The following MLLT10 variants were observed in gnomAD, a reference collection of about 807,000 sequenced individuals.
MLLT10 encodes the protein protein AF-10.
In MLLT10, 30 loss-of-function variants were observed where a neutral mutation model predicts 129.1. That is an observed-to-expected ratio of 0.23 (90% CI 0.17 to 0.32). The LOEUF is 0.32. Ranked by LOEUF, MLLT10 falls within the 10% of genes least tolerant of loss-of-function variation. The pLI is 1.00. For synonymous variants in MLLT10, 490 were observed against 446.4 expected, an observed-to-expected ratio of 1.10 and a Z score of -1.23; for missense variants, 1,119 against 1,268.3, an observed-to-expected ratio of 0.88 and a Z score of 1.79.
In MLLT10 at chr10:21,605,494, G is replaced by A. The variant is rs543399174; in HGVS notation, c.406-6854G>A. ...AGGGTCTTGCTCTGTCACCCTGTTT[G>A]GATTGCAGTGGCACTGTCACGGTCA... On this transcript the variant is annotated intron_variant, in intron 5 of 22. Transcript: ENST00000307729. 1.0e-3 allele frequency among the ~76,000 whole-genome samples: 159 copies of A among 151,982 alleles called. No homozygotes were observed. In the Middle Eastern group the frequency reaches 0.017, roughly 16 times the overall value.
At position 21,670,529 on chromosome 10, in the gene MLLT10, A is replaced by G. The variant is rs2051287926; in HGVS notation, c.876A>G (p.Ala292=). 6.2e-7 allele frequency: 1 copy of G among 1,614,184 alleles called. No homozygotes were observed. The highest frequency in any genetic ancestry group is 1.7e-5 in the Admixed American group (1 of 60,016). Residue 292 remains alanine (A), a synonymous_variant, in exon 10 of 23, where the codon GCA becomes GCG. Coordinates refer to ENST00000307729, the MANE Select transcript of MLLT10 (RefSeq NM_001195626.3). Reference sequence around the variant, plus strand: ...ATACTACTGCACGATTTACAAATGCAAATTTCCAGGAAGTCTCTGCACACA... The same window carrying G: ...ATACTACTGCACGATTTACAAATGCGAATTTCCAGGAAGTCTCTGCACACA... ...LEDTTARFTN[A]NFQEVSAHTS...
At chr10:21,559,142 G>A (rs912764896) in intron 3 of MLLT10, among the ~76,000 whole-genome samples, 1 of 152,168 alleles carries the variant, frequency 6.6e-6, no homozygotes, top group African/African-American at 2.4e-5. Flanking sequence ...GGAGTGCAGT[G>A]GTACAATCTT....
chr10:21,625,988 G>T, intron 8 of MLLT10: 3 of 930,898 alleles, frequency 3.2e-6, no homozygotes, highest in Non-Finnish European at 3.6e-6. Context: ...CACACTGTTT[G>T]GTGGAGGCCC....
At chr10:21,584,863 T>C (rs2131088488) in intron 3 of MLLT10, among the ~76,000 whole-genome samples, 1 of 151,694 alleles carries the variant, frequency 6.6e-6, no homozygotes, top group South Asian at 2.1e-4. Flanking sequence ...CGTATGTGTG[T>C]ATGTACGTGT....
At chr10:21,538,955 T>A (rs775937321) in intron 3 of MLLT10, 43 bp downstream of exon 3, 1 of 1,372,054 alleles carries the variant, frequency 7.3e-7, no homozygotes, top group Non-Finnish European at 1.0e-6. Flanking sequence ...AGTGAGTAGG[T>A]TAGGAAATTA....
intron 2 of MLLT10, among the ~76,000 whole-genome samples, chr10:21,535,377 G>A (rs1435940966): frequency 6.6e-6 from 1 of 151,994 alleles, no homozygotes; most frequent in East Asian, 1.9e-4. Flanking sequence ...GAAGGCTCGG[G>A]CCCTGCCGCC....
chr10:21,719,258 T>G (rs2056966679), intron 14 of MLLT10, among the ~76,000 whole-genome samples: 1 of 152,228 alleles, frequency 6.6e-6, no homozygotes. Context: ...TTTAACTGAC[T>G]TCTGGGGTGA....
At chr10:21,712,919 CACTTTTAAAAAATTA>C (rs2056233372) in intron 13 of MLLT10, among the ~76,000 whole-genome samples, 1 of 152,198 alleles carries the variant, frequency 6.6e-6, no homozygotes, top group South Asian at 2.1e-4. Context: ...AAAAAATAAG[CACTTTTAAAAAATTA>C]ACTTGTTTCC....
chr10:21,608,022 C>CT (rs946804509), intron 5 of MLLT10, among the ~76,000 whole-genome samples: 45 of 141,504 alleles, frequency 3.2e-4, no homozygotes, highest in Admixed American at 1.2e-3. Flanking sequence ...TTTTTTTCTT[C>CT]TTTTTTTTTG....
rs140233853 is a variant in MLLT10, at chr10:21,734,063, C to A, written c.2792C>A (p.Thr931Asn). The change falls in exon 20 of 23, where the codon ACC becomes AAC. Residue 931 changes from threonine (T) to asparagine (N), a missense_variant. Around this residue, in one of 5 missense-constraint regions of MLLT10, gnomAD observed 1,004 missense variants for 1,008.7 expected, o/e 1.00. Transcript: ENST00000307729. ...CCTGTCACAATGTCCCAGAACCCTA[C>A]CCCTCTCACCCACACAACCGTACCA... ...QTPVTMSQNP[T>N]PLTHTTVPPN... 21 of 1,613,968 alleles carry A rather than the reference C, an allele frequency of 1.3e-5. No homozygotes were observed. The African/African-American group carries it at 2.7e-4, about 21-fold the overall frequency.
intron 3 of MLLT10, among the ~76,000 whole-genome samples, chr10:21,541,024 G>A (rs1588784474): frequency 6.6e-6 from 1 of 152,106 alleles, no homozygotes; most frequent in African/African-American, 2.4e-5. Context: ...GCTGGGTGTG[G>A]TGGTGTGCAC....
chr10:21,625,703 G>A (rs1184833637), intron 8 of MLLT10: 3 of 767,220 alleles, frequency 3.9e-6, no homozygotes, highest in Non-Finnish European at 7.3e-6. Flanking sequence ...TCCAACAAAA[G>A]TCTGTTGTTT....
Position 21,742,216 on chromosome 10 carries a change from G to A in MLLT10, c.*233G>A. The A allele has an allele frequency of 2.4e-6, 1 of 408,846 alleles. No individual in the cohort carries two copies. The highest frequency in any genetic ancestry group is 9.4e-5 in the South Asian group (1 of 10,584). 25.3% of individuals were successfully genotyped at this position (408,846 alleles called of 1,614,324 possible). A position where few individuals can be genotyped will look rare whatever the true frequency, so the allele number is the denominator to read the frequency against. Reference sequence around the variant, plus strand: ...CCCCTTACCCCAGTTTTTTGAACATGGAAAGAAAATTTAATAACTTTTTAA... The same window carrying A: ...CCCCTTACCCCAGTTTTTTGAACATAGAAAGAAAATTTAATAACTTTTTAA... On this transcript the variant is annotated 3_prime_UTR_variant, in exon 23 of 23. Coordinates refer to ENST00000307729, the MANE Select transcript of MLLT10 (RefSeq NM_001195626.3).
At chr10:21,550,289 G>A (rs886824833) in intron 3 of MLLT10, among the ~76,000 whole-genome samples, 8 of 152,100 alleles carry the variant, frequency 5.3e-5, no homozygotes, top group South Asian at 2.1e-4. Flanking sequence ...ACTCACATCT[G>A]GAGCAAGCAT....
At chr10:21,680,155 A>C (rs988371329) in intron 11 of MLLT10, among the ~76,000 whole-genome samples, 1 of 152,028 alleles carries the variant, frequency 6.6e-6, no homozygotes, top group African/African-American at 2.4e-5. Flanking sequence ...TTTGGGTGGA[A>C]TAAAAGAGTA....
intron 14 of MLLT10, among the ~76,000 whole-genome samples, chr10:21,724,580 T>G (rs905986568): frequency 1.3e-5 from 2 of 152,262 alleles, no homozygotes; most frequent in African/African-American, 2.4e-5. Context: ...AGCTTCAGTT[T>G]GATTTCATTC....
At chr10:21,654,122 TG>T (rs1271213957) in intron 9 of MLLT10, among the ~76,000 whole-genome samples, 1 of 152,222 alleles carries the variant, frequency 6.6e-6, no homozygotes, top group Non-Finnish European at 1.5e-5. Flanking sequence ...AGGTCATTAC[TG>T]ACCTTGAACA....
chr10:21,733,688 T>G (rs902403471), intron 19 of MLLT10, 80 bp from the exon 20 acceptor site: 35 of 1,509,662 alleles, frequency 2.3e-5, no homozygotes, highest in Non-Finnish European at 3.0e-5. Flanking sequence ...TTTGCAGTGT[T>G]CTTTAAACTT....
At chr10:21,608,063 C>T (rs188605871) in intron 5 of MLLT10, among the ~76,000 whole-genome samples, 14 of 150,934 alleles carry the variant, frequency 9.3e-5, no homozygotes, top group East Asian at 7.8e-4. Context: ...CATTGCCTTC[C>T]GGCCTCCATA....
Sources: allele counts gnomAD v4.1 joint callset (sites outside exome capture counted in the v4.1 genomes callset), GRCh38; gene constraint gnomAD v4.1.1; regional missense constraint gnomAD v4.1.1; transcripts MANE v1.5; gene names NCBI Gene and HGNC (gene_info 2026-07-23, HGNC 2026-07-21).